The following PLCH2 variants were observed in gnomAD, a reference collection of about 807,000 sequenced individuals.
The protein encoded by PLCH2 is phospholipase C eta 2, also known as 1-phosphatidylinositol 4,5-bisphosphate phosphodiesterase eta-2.
In PLCH2, 98 loss-of-function variants were observed where a neutral mutation model predicts 134.7. That is an observed-to-expected ratio of 0.73 (90% CI 0.62 to 0.86). The LOEUF is 0.86. Ranked by LOEUF, PLCH2 falls within the 40% of genes least tolerant of loss-of-function variation. PLCH2 has a pLI of 0.00. For missense variants in PLCH2, 1,994 were observed against 1,986.6 expected, an observed-to-expected ratio of 1.00 and a Z score of -0.07; for synonymous variants, 974 against 827.5, an observed-to-expected ratio of 1.18 and a Z score of -3.04.
intron 5 of PLCH2, 42 bp from the exon 6 acceptor site, chr1:2,486,865 C>G: frequency 6.7e-7 from 1 of 1,503,232 alleles, no homozygotes; most frequent in South Asian, 1.2e-5. Context: ...TATCCCAGGC[C>G]AGGGATGGGC....
At position 2,496,663 on chromosome 1, in the gene PLCH2, A is replaced by G. The variant is rs1310622053; in HGVS notation, c.1892A>G (p.Lys631Arg). The change falls in exon 14 of 22, where the codon AAG becomes AGG. Residue 631 changes from lysine to arginine, a missense_variant. Lys to Arg is a conservative substitution (Grantham distance 26). This residue lies in a region of PLCH2 where 1,094 missense variants were observed against 1,234.3 expected (regional missense o/e 0.89). Coordinates refer to ENST00000378486, the MANE Select transcript of PLCH2 (RefSeq NM_014638.4). Reference protein sequence around the residue: ...KLSRALSDLVKYTKSVATHDI... With the variant: ...KLSRALSDLVRYTKSVATHDI... ...TCCCGGGCCCTCTCTGACCTGGTGA[A>G]GTACACCAAGTCCGTGGCCACCCAC... 3.1e-6 allele frequency: 5 copies of G among 1,612,286 alleles called. No homozygotes were observed.
chr1:2,497,790 A>C, intron 16 of PLCH2, 181 bp downstream of exon 16: 1 of 542,910 alleles, frequency 1.8e-6, no homozygotes, highest in Non-Finnish European at 3.3e-6. Context: ...GGGTGGGGGA[A>C]CCCTCCTTGC....
intron 4 of PLCH2, among the ~76,000 whole-genome samples, chr1:2,482,018 T>C (rs917343555): frequency 1.3e-5 from 2 of 152,258 alleles, no homozygotes; most frequent in Non-Finnish European, 2.9e-5. Flanking sequence ...AAGATAAGGC[T>C]GGAAGTGGGC....
At chr1:2,426,766 G>A (rs1006053487) in intron 1 of PLCH2, among the ~76,000 whole-genome samples, 2 of 152,226 alleles carry the variant, frequency 1.3e-5, no homozygotes, top group Non-Finnish European at 2.9e-5. Flanking sequence ...TTGTGGGGTC[G>A]GGGCTGCTGG....
upstream of PLCH2, among the ~76,000 whole-genome samples, chr1:2,475,811 G>A (rs768918749): frequency 2.7e-4 from 41 of 152,308 alleles, no homozygotes; most frequent in Middle Eastern, 3.4e-3. Flanking sequence ...TGGGCTGGGA[G>A]TTGTCGCTGT....
At chr1:2,465,740 C>T (rs910612253), upstream of PLCH2, among the ~76,000 whole-genome samples, 2 of 152,208 alleles carry the variant, frequency 1.3e-5, no homozygotes, top group African/African-American at 2.4e-5. Flanking sequence ...GCCGCGGTGA[C>T]GGAAATCATC....
At chr1:2,417,413 G>GCGCAGCTT in the PLCH2 span, among the ~76,000 whole-genome samples, 1 of 140,054 alleles carries the variant, frequency 7.1e-6, no homozygotes, top group Non-Finnish European at 1.6e-5. Context: ...GGTGGGCCCT[G>GCGCAGCTT]CCCAGCTTCC....
upstream of PLCH2, among the ~76,000 whole-genome samples, chr1:2,423,432 G>A (rs1310639045): frequency 1.2e-4 from 19 of 152,178 alleles, no homozygotes; most frequent in Admixed American, 1.2e-3. Context: ...TGTGCCCTCT[G>A]CACAGTAACC....
chr1:2,458,933 C>T (rs570351971), intron 2 of PLCH2, among the ~76,000 whole-genome samples: 46 of 152,380 alleles, frequency 3.0e-4, no homozygotes, highest in African/African-American at 7.5e-4. Flanking sequence ...AACGGGGGCC[C>T]GAGGGGCTGG....
intron 2 of PLCH2, among the ~76,000 whole-genome samples, chr1:2,438,778 C>G (rs372293813): frequency 2.6e-4 from 40 of 152,364 alleles, no homozygotes; most frequent in African/African-American, 9.6e-4. Context: ...CGCTGCCTGC[C>G]CACCAGTCTG....
chr1:2,478,846 C>T lies in PLCH2; in HGVS notation c.271+224C>T, dbSNP rs1215266016. Among the ~76,000 whole-genome samples the T allele has an allele frequency of 2.0e-5, 3 of 152,092 alleles. No homozygotes were observed. In the East Asian group the frequency reaches 5.8e-4, roughly 29 times the overall value. ...AGAGCTCCCTGGGACTCAGTGAGGA[C>T]CGAGTAGCACTGTGCCCAGCCCTGT... On this transcript the variant is annotated intron_variant, in intron 2 of 21. Transcript: ENST00000378486.
In PLCH2 at chr1:2,497,402, G is replaced by A. The variant is rs576405421; in HGVS notation, c.2117-100G>A. The A allele has an allele frequency of 5.0e-5, 39 of 780,694 alleles. 1 individual carries two copies. The South Asian group carries it at 5.8e-4, about 12-fold the overall frequency. 48.4% of individuals were successfully genotyped at this position (780,694 alleles called of 1,614,324 possible). Reference sequence around the variant, plus strand: ...AACGAGGGGCAGACGGCAGATACGCGGCAGCTGTGCAGGGGAGGCTAGCGT... The same window carrying A: ...AACGAGGGGCAGACGGCAGATACGCAGCAGCTGTGCAGGGGAGGCTAGCGT... On this transcript the variant is annotated intron_variant, in intron 15 of 21. Coordinates refer to ENST00000378486, the MANE Select transcript of PLCH2 (RefSeq NM_014638.4).
chr1:2,440,139 C>G (rs1358218381), intron 2 of PLCH2, among the ~76,000 whole-genome samples: 2 of 152,134 alleles, frequency 1.3e-5, no homozygotes, highest in Non-Finnish European at 2.9e-5. Context: ...GCTGAGGGGT[C>G]CGATGTAGCC....
rs1233966540 is a variant in PLCH2 at position 2,497,712 on chromosome 1, G to A, written c.2224+103G>A. The A allele has an allele frequency of 4.8e-6, 4 of 833,942 alleles. No homozygotes were observed. In the African/African-American group the frequency reaches 6.8e-5, roughly 14 times the overall value. The allele number at this position is 833,942 out of a possible 1,614,324, so 51.7% of individuals were successfully genotyped here. A position where few individuals can be genotyped will look rare whatever the true frequency, so the allele number is the denominator to read the frequency against. On this transcript the variant is annotated intron_variant, in intron 16 of 21. Coordinates refer to ENST00000378486, the MANE Select transcript of PLCH2 (RefSeq NM_014638.4). ...GAGCCCCACAGGCTAGCAAGGGGGT[G>A]GGGGCGGCTTTGGCAGAGTCCCCTG...
rs1048157644 is a variant in PLCH2, at chr1:2,444,919, A to T, written c.115+14290A>T. ...TGCCTGCCTGGGTGTCTGATCCTAG[A>T]GACTCCTTCAGCGAGGTGCAGCCTC... On this transcript the variant is annotated intron_variant, in intron 2 of 3. Coordinates refer to the PLCH2 transcript ENST00000609981. This position sits in a 1 kb window ranked among gnomAD's most constrained non-coding sequence, Gnocchi z 4.6. Among the ~76,000 whole-genome samples the T allele has an allele frequency of 3.9e-5, 6 of 152,056 alleles. No individual in the cohort carries two copies. Among genetic ancestry groups the T allele is most frequent in the Non-Finnish European group, 5.9e-5 (4 of 67,996 alleles).
intron 15 of PLCH2, 84 bp from the exon 16 acceptor site, chr1:2,497,418 A>C: frequency 1.3e-6 from 1 of 793,290 alleles, no homozygotes; most frequent in Non-Finnish European, 2.0e-6. Context: ...TGTGCAGGGG[A>C]GGCTAGCGTG....
rs1192853862 is a variant in PLCH2, at chr1:2,505,090, G to GAA, written c.4128_4129insAA (p.Gly1377LysfsTer122). 2 of 1,539,688 alleles carry GAA rather than the reference G, an allele frequency of 1.3e-6. No homozygotes were observed. Among genetic ancestry groups the GAA allele is most frequent in the African/African-American group, 2.7e-5 (2 of 73,080 alleles). On this transcript the variant is annotated frameshift_variant, in exon 22 of 22. Coordinates refer to ENST00000378486, the MANE Select transcript of PLCH2 (RefSeq NM_014638.4). LOFTEE classifies it high-confidence loss of function. ...GGCAGGGACCCCCAGAAGAGGAGCG[G>GAA]GGCACCCCCGAGGGCGCCTGCTCCG...
rs567606319 is a variant in PLCH2, at chr1:2,434,621, C to T, written c.115+3992C>T. Reference sequence around the variant, plus strand: ...ACTGGGCCGTGGGACCCTCCAGTCCCGGAAGGGCCAAGTGTGGCAAGGGCC... The same window carrying T: ...ACTGGGCCGTGGGACCCTCCAGTCCTGGAAGGGCCAAGTGTGGCAAGGGCC... On this transcript the variant is annotated intron_variant, in intron 2 of 3. Coordinates refer to the PLCH2 transcript ENST00000609981. Among the ~76,000 whole-genome samples the T allele has an allele frequency of 2.1e-4, 32 of 152,316 alleles. No homozygotes were observed. In the East Asian group the frequency reaches 2.3e-3, roughly 11 times the overall value.
upstream of PLCH2, among the ~76,000 whole-genome samples, chr1:2,471,828 G>A (rs1445595432): frequency 6.6e-6 from 1 of 152,196 alleles, no homozygotes; most frequent in Non-Finnish European, 1.5e-5. Context: ...TCAGGCCCCA[G>A]GGCCCCCTCC....
Sources: gnomAD v4.1 joint callset for allele counts (sites outside exome capture counted in the v4.1 genomes callset) on GRCh38, gnomAD v4.1.1 for gene constraint, gnomAD v4.1.1 regional missense constraint, Gnocchi (gnomAD v3.1) non-coding constraint, MANE v1.5 for transcripts, NCBI Gene and HGNC (gene_info 2026-07-23, HGNC 2026-07-21) for gene names.